Variants in LIG3 observed in about 807,000 individuals in gnomAD.
LIG3 encodes ligase II, DNA, ATP-dependent.
A neutral mutation model predicts 110.9 loss-of-function variants in LIG3; 58 were observed. The observed-to-expected ratio is 0.52, with a 90% CI of 0.42 to 0.65. The LOEUF is 0.65. Ranked by LOEUF, LIG3 falls within the 30% of genes least tolerant of loss-of-function variation. The pLI, the probability that LIG3 is intolerant of heterozygous loss-of-function variation, is 0.00. For synonymous variants in LIG3, 422 were observed against 472.8 expected (o/e 0.89, Z 1.39); for missense variants, 1,094 against 1,273.8 (o/e 0.86, Z 2.15).
chr17:34,986,025 A>G lies in LIG3; in HGVS notation c.585A>G (p.Lys195=). The G allele has an allele frequency of 1.2e-6, 2 of 1,614,190 alleles. No homozygotes were observed. Among genetic ancestry groups the G allele is most frequent in the Non-Finnish European group, 1.7e-6 (2 of 1,180,030 alleles). ...AGGCAGCAGGTACACCAAAGAAGAA[A>G]GCTGTTGTCCAGGCTAAGTTGACAA... ...SSKAAGTPKK[K]AVVQAKLTTT... is the part of the protein sequence containing the mutation. Residue 195 remains lysine (K), a synonymous_variant, in exon 3 of 20, where the codon AAA becomes AAG. Transcript: ENST00000378526.
At chr17:34,993,349 C>T (rs1382284134) in intron 8 of LIG3, among the ~76,000 whole-genome samples, 3 of 152,306 alleles carry the variant, frequency 2.0e-5, no homozygotes, top group South Asian at 2.1e-4. Flanking sequence ...GTTTGTCATA[C>T]TAAAACCTTG....
At chr17:34,986,909 A>C (rs928489310) in intron 3 of LIG3, among the ~76,000 whole-genome samples, 3 of 152,160 alleles carry the variant, frequency 2.0e-5, no homozygotes, top group African/African-American at 7.2e-5. Context: ...ATGGAACACA[A>C]AGGAAGGAAA....
intron 2 of LIG3, 42 bp from the exon 3 acceptor site, chr17:34,985,946 C>T (rs762138187): frequency 9.4e-6 from 15 of 1,590,600 alleles, no homozygotes; most frequent in Admixed American, 6.9e-5. Flanking sequence ...TTTCAGAGAT[C>T]GTTCACTGAA....
At chr17:34,997,624 A>G (rs1182598663) in intron 11 of LIG3, 114 bp from the exon 12 acceptor site, 6 of 773,228 alleles carry the variant, frequency 7.8e-6, no homozygotes, top group Non-Finnish European at 1.4e-5. Context: ...TCTTTGATCC[A>G]TGGCAAACCC....
chr17:35,010,558 C>G (rs1476507251), downstream of LIG3: 2 of 152,094 alleles, frequency 1.3e-5, no homozygotes, highest in African/African-American at 4.8e-5. Flanking sequence ...TCAAGACCAG[C>G]CTGGTGAACA....
chr17:34,983,316 G>C lies in LIG3; in HGVS notation c.311G>C (p.Gly104Ala). Residue 104 changes from glycine (G) to alanine (A), a missense_variant, in exon 2 of 20, where the codon GGC becomes GCC. Gly to Ala is a moderately conservative substitution (Grantham distance 60). Coordinates refer to ENST00000378526, the MANE Select transcript of LIG3 (RefSeq NM_013975.4). ...GACTATGCCAAGCGTGGCACAGCTG[G>C]CTGCAAAAAATGCAAGGAAAAGATT... ...CVDYAKRGTA[G>A]CKKCKEKIVK... is the part of the protein sequence containing the mutation. The C allele has an allele frequency of 6.2e-7, 1 of 1,614,214 alleles. No individual in the cohort carries two copies. Among genetic ancestry groups the C allele is most frequent in the South Asian group, 1.1e-5 (1 of 91,086 alleles).
At position 34,998,602 on chromosome 17, in the gene LIG3, A is replaced by G; in HGVS notation, c.1990-2A>G. The G allele has an allele frequency of 6.2e-7, 1 of 1,613,922 alleles. No individual in the cohort carries two copies. The highest frequency in any genetic ancestry group is 8.5e-7 in the Non-Finnish European group (1 of 1,179,942). On this transcript the variant is annotated splice_acceptor_variant, in intron 13 of 19. Transcript: ENST00000378526. LOFTEE classifies it high-confidence loss of function. ...TGTGGTCTCTCTTTTGCTTCCCTTC[A>G]GGGTACATATGAGCCTGGGAAGCGG...
At chr17:34,993,031 C>G (rs1247172501) in intron 8 of LIG3, among the ~76,000 whole-genome samples, 1 of 152,068 alleles carries the variant, frequency 6.6e-6, no homozygotes, top group Non-Finnish European at 1.5e-5. Context: ...TATCTGTTAT[C>G]TTACCTGAAG....
chr17:34,992,698 G>A lies in LIG3; in HGVS notation c.1455+6G>A. On this transcript the variant is annotated splice_donor_region_variant and intron_variant, in intron 8 of 19. Coordinates refer to ENST00000378526, the MANE Select transcript of LIG3 (RefSeq NM_013975.4). ...CACCTGTGCAGCCCATGTTGGTGAG[G>A]AGTGCTCCCCTGCCTCTGCTTTCCA... 3 of 1,573,218 alleles carry A rather than the reference G, an allele frequency of 1.9e-6. No homozygotes were observed. Among genetic ancestry groups the A allele is most frequent in the Non-Finnish European group, 1.7e-6 (2 of 1,160,874 alleles).
chr17:34,999,159 A>C (rs1263026667), intron 14 of LIG3, 148 bp from the exon 15 acceptor site: 15 of 890,300 alleles, frequency 1.7e-5, no homozygotes, highest in Non-Finnish European at 2.5e-5. Context: ...ATAAAGGTTA[A>C]AATTACACAG....
chr17:35,007,607 T>C lies in LIG3; in HGVS notation c.*3101T>C, dbSNP rs535727457. 1 of 152,422 alleles carries C rather than the reference T, an allele frequency of 6.6e-6. No individual in the cohort carries two copies. Among genetic ancestry groups the C allele is most frequent in the South Asian group, 2.1e-4 (1 of 4,822 alleles). 9.4% of individuals were successfully genotyped at this position (152,422 alleles called of 1,614,324 possible). A position where few individuals can be genotyped will look rare whatever the true frequency, so the allele number is the denominator to read the frequency against. Reference sequence around the variant, plus strand: ...CCTTTCTCTTCTCAGTCACAGCAGATGGACACATAATCTTGTTCTCCCAGG... The same window carrying C: ...CCTTTCTCTTCTCAGTCACAGCAGACGGACACATAATCTTGTTCTCCCAGG... On this transcript the variant is annotated 3_prime_UTR_variant, in exon 20 of 20. Coordinates refer to ENST00000378526, the MANE Select transcript of LIG3 (RefSeq NM_013975.4).
Position 34,986,052 on chromosome 17 carries a change from C to T in LIG3, c.612C>T (p.Thr204=), listed in dbSNP as rs2090651410. The T allele has an allele frequency of 6.2e-7, 1 of 1,614,060 alleles. No individual in the cohort carries two copies. The highest frequency in any genetic ancestry group is 8.5e-7 in the Non-Finnish European group (1 of 1,179,916). The part of the protein sequence containing the change: ...KKAVVQAKLT[T]TGQVTSPVKG... ...CTGTTGTCCAGGCTAAGTTGACAAC[C>T]ACTGGCCAGGTGACTTCTCCAGTGA... is the stretch of plus-strand genomic sequence containing the variant. The change falls in exon 3 of 20, where the codon ACC becomes ACT. Residue 204 remains threonine, a synonymous_variant. Transcript: ENST00000378526.
Position 34,996,592 on chromosome 17 carries a change from G to A in LIG3, c.1762G>A (p.Ala588Thr). Residue 588 changes from alanine (A) to threonine (T), a missense_variant, in exon 11 of 20, where the codon GCT becomes ACT. Ala to Thr is a moderately conservative substitution (Grantham distance 58). Transcript: ENST00000378526. The stretch of plus-strand genomic sequence containing the variant: ...CTTACAGAAAGCAGCCTTCCAGGAT[G>A]CTAATGTCTGCCTGTTTGTTTTTGA... Reference protein sequence around the residue: ...GVHKKAAFQDANVCLFVFDCI... With the variant: ...GVHKKAAFQDTNVCLFVFDCI... 6.2e-7 allele frequency: 1 copy of A among 1,613,976 alleles called. No homozygotes were observed. The highest frequency in any genetic ancestry group is 8.5e-7 in the Non-Finnish European group (1 of 1,179,940).
At chr17:34,986,158 TG>T (rs761602418) in intron 3 of LIG3, 27 bp downstream of exon 3, 1 of 1,610,412 alleles carries the variant, frequency 6.2e-7, no homozygotes, top group East Asian at 2.2e-5. Flanking sequence ...CTACTTTAGC[TG>T]TTATAGTGCT....
chr17:34,998,267 T>C lies in LIG3; in HGVS notation c.1960T>C (p.Leu654=), dbSNP rs146869881. Residue 654 remains leucine (L), a synonymous_variant, in exon 13 of 20, where the codon TTG becomes CTG. Coordinates refer to ENST00000378526, the MANE Select transcript of LIG3 (RefSeq NM_013975.4). ...GATAACCCGGGTGATCCAGGAGGGA[T>C]TGGAGGGGCTGGTGCTGAAGGATGT... ...DMITRVIQEG[L]EGLVLKDVKG... 117 of 1,613,700 alleles carry C rather than the reference T, an allele frequency of 7.3e-5. 1 individual carries two copies. Among genetic ancestry groups the C allele is most frequent in the African/African-American group, 7.1e-4 (53 of 75,038 alleles).
chr17:35,010,391 G>A (rs2090928922), downstream of LIG3: 1 of 152,188 alleles, frequency 6.6e-6, no homozygotes, highest in Non-Finnish European at 1.5e-5. Context: ...CTCCTCTAGG[G>A]GTGTAAAGAC....
chr17:34,994,726 G>A (rs2090760771), intron 9 of LIG3, among the ~76,000 whole-genome samples: 1 of 152,190 alleles, frequency 6.6e-6, no homozygotes, highest in African/African-American at 2.4e-5. Context: ...GTGAGTTGCT[G>A]TGTGTCTTTT....
chr17:34,991,940 T>C lies in LIG3; in HGVS notation c.1209-18T>C. 6.2e-7 allele frequency: 1 copy of C among 1,614,074 alleles called. No homozygotes were observed. The highest frequency in any genetic ancestry group is 8.5e-7 in the Non-Finnish European group (1 of 1,179,874). On this transcript the variant is annotated intron_variant, in intron 6 of 19. Coordinates refer to ENST00000378526, the MANE Select transcript of LIG3 (RefSeq NM_013975.4). The stretch of plus-strand genomic sequence containing the variant: ...CAGAGCTCTTCAAGACCAAGTTAAA[T>C]GTGCTTCATCCCCCTAGGTGTACAG...
intron 14 of LIG3, chr17:34,999,048 C>CT (rs1382439519): frequency 1.9e-6 from 1 of 520,016 alleles, no homozygotes; most frequent in African/African-American, 1.9e-5. Context: ...GGAACTAATA[C>CT]TTTTAAGCAA....
Sources: gnomAD v4.1 joint callset for allele counts (sites outside exome capture counted in the v4.1 genomes callset) on GRCh38, gnomAD v4.1.1 for gene constraint, MANE v1.5 for transcripts, NCBI Gene and HGNC (gene_info 2026-07-23, HGNC 2026-07-21) for gene names.